PCDHGA6: variants seen among roughly 807,000 people sequenced by gnomAD.
PCDHGA6 encodes the protein protocadherin gamma subfamily A, 6, also known as protocadherin gamma-A6.
A neutral mutation model predicts 60.6 loss-of-function variants in PCDHGA6; 41 were observed. That is an observed-to-expected ratio of 0.68 (90% confidence interval 0.53 to 0.88). The LOEUF (loss-of-function observed/expected upper bound fraction) is 0.88. PCDHGA6 is among the 40% of genes least tolerant of loss of function. The probability of loss-of-function intolerance (pLI) is 0.00; values close to 1 mark genes in which losing one functional copy is unlikely to be tolerated. For missense variants in PCDHGA6, 1,312 were observed against 1,203.0 expected (o/e 1.09, Z -1.34); for synonymous variants, 594 against 524.4 (o/e 1.13, Z -1.81).
At chr5:141,415,024 G>T in intron 1 of PCDHGA6, 1 of 1,613,568 alleles carries the variant, frequency 6.2e-7, no homozygotes, top group Non-Finnish European at 8.5e-7. Flanking sequence ...CAAGGCCAGC[G>T]AGCCGGGACT....
rs549266523 is a variant in PCDHGA6 at position 141,408,917 on chromosome 5, C to A, written c.2424+32410C>A. ...TTCTGTCAAGGATACCAATGATAAC[C>A]CCCCGGTTTTCAGCAGAGACGAATA... On this transcript the variant is annotated intron_variant, in intron 1 of 3. Coordinates refer to ENST00000517434, the MANE Select transcript of PCDHGA6 (RefSeq NM_018919.3). 12 of 1,613,366 alleles carry A rather than the reference C, an allele frequency of 7.4e-6. No homozygotes were observed. In the African/African-American group the frequency reaches 1.6e-4, roughly 22 times the overall value.
Position 141,383,223 on chromosome 5 carries a change from C to T in PCDHGA6, c.2424+6716C>T, listed in dbSNP as rs76873890. The T allele has an allele frequency of 1.7e-3, 2,674 of 1,613,922 alleles. 41 individuals are homozygous for T. In the African/African-American group the frequency reaches 0.031, roughly 19 times the overall value. Reference sequence around the variant, plus strand: ...CGCGGTGTCTGGTAAACTTTAACATCCTGATGGAAGATAAAATGAATCTTT... The same window carrying T: ...CGCGGTGTCTGGTAAACTTTAACATTCTGATGGAAGATAAAATGAATCTTT... On this transcript the variant is annotated intron_variant, in intron 1 of 3. Transcript: ENST00000517434.
In PCDHGA6 at chr5:141,481,399, T is replaced by G. The variant is rs35677249; in HGVS notation, c.2425-13408T>G. 1.9e-3 allele frequency among the ~76,000 whole-genome samples: 284 copies of G among 152,356 alleles called. 1 individual carries two copies. Among genetic ancestry groups the G allele is most frequent in the Middle Eastern group, 0.01 (3 of 294 alleles). ...TTCTTTTTGGAGGGATGTGACAAAA[T>G]TCTTGTATAATTAGATTGTGATGAT... is the stretch of plus-strand genomic sequence containing the variant. On this transcript the variant is annotated intron_variant, in intron 1 of 3. Transcript: ENST00000517434.
chr5:141,511,412 C>A lies in PCDHGA6; in HGVS notation c.*239C>A. 1.1e-6 allele frequency: 1 copy of A among 892,000 alleles called. No homozygotes were observed. Among genetic ancestry groups the A allele is most frequent in the Non-Finnish European group, 1.6e-6 (1 of 609,476 alleles). The allele number at this position is 892,000 out of a possible 1,614,324, so 55.3% of individuals were successfully genotyped here. On this transcript the variant is annotated 3_prime_UTR_variant, in exon 4 of 4. Coordinates refer to ENST00000517434, the MANE Select transcript of PCDHGA6 (RefSeq NM_018919.3). ...AACCCCCATCCAATCAACTGCTGTA[C>A]CCATGGGGGTAGTGGGGTTACTGTA...
In PCDHGA6 at chr5:141,432,358, G is replaced by A. The variant is rs750696244; in HGVS notation, c.2424+55851G>A. ...TCCGAGACTTGCAAGTGAAAGTGAT[G>A]GCGCGGGACAACGGGCACCCGCCCC... On this transcript the variant is annotated intron_variant, in intron 1 of 3. Transcript: ENST00000517434. This position sits in a 1 kb window ranked among gnomAD's most constrained non-coding sequence, Gnocchi z 6.0. The A allele has an allele frequency of 6.2e-7, 1 of 1,614,122 alleles. No homozygotes were observed. The highest frequency in any genetic ancestry group is 8.5e-7 in the Non-Finnish European group (1 of 1,180,060).
In PCDHGA6 at chr5:141,500,954, C is replaced by T. The variant is rs536993707; in HGVS notation, c.2484-4439C>T. On this transcript the variant is annotated intron_variant, in intron 2 of 3. Coordinates refer to ENST00000517434, the MANE Select transcript of PCDHGA6 (RefSeq NM_018919.3). Reference sequence around the variant, plus strand: ...CGCCATCTCGGCTCACTGCAAGCTCCACCTCCTGGGTTCAAGCAATTCTCC... The same window carrying T: ...CGCCATCTCGGCTCACTGCAAGCTCTACCTCCTGGGTTCAAGCAATTCTCC... Among the ~76,000 whole-genome samples the T allele has an allele frequency of 2.4e-3, 358 of 152,060 alleles. 1 individual carries two copies. The highest frequency in any genetic ancestry group is 4.1e-3 in the Admixed American group (63 of 15,282).
intron 1 of PCDHGA6, chr5:141,407,888 C>T (rs769893466): frequency 2.6e-6 from 1 of 388,626 alleles, no homozygotes; most frequent in Non-Finnish European, 4.6e-6. Flanking sequence ...TTTCGGAGAC[C>T]GAATTCAAAA....
intron 1 of PCDHGA6, chr5:141,428,189 CTCTCTGCGCCGCTACGCTTCACCTAG>C: frequency 7.0e-7 from 1 of 1,429,262 alleles, no homozygotes; most frequent in Non-Finnish European, 9.7e-7. Flanking sequence ...ACAGCCGCCG[CTCTCTGCGCCGCTACGCTTCACCTAG>C]TCTTCGCAGA....
Position 141,478,316 on chromosome 5 carries a change from C to T in PCDHGA6, c.2425-16491C>T, listed in dbSNP as rs776948755. ...CCTATACCGAGCCCCGGTGAGCTCA[C>T]TGTACCGAACACCAGGGCCCTCCTT... On this transcript the variant is annotated intron_variant, in intron 1 of 3. Coordinates refer to ENST00000517434, the MANE Select transcript of PCDHGA6 (RefSeq NM_018919.3). 120 of 1,613,924 alleles carry T rather than the reference C, an allele frequency of 7.4e-5. 2 individuals carry two copies. In the South Asian group the frequency reaches 1.3e-3, roughly 18 times the overall value.
rs1163047741 is a variant in PCDHGA6, at chr5:141,374,379, G to A, written c.296G>A (p.Ser99Asn). 1 of 1,614,042 alleles carries A rather than the reference G, an allele frequency of 6.2e-7. No homozygotes were observed. The highest frequency in any genetic ancestry group is 8.5e-7 in the Non-Finnish European group (1 of 1,179,910). ...GACCGCGAGGAGCTCTGTGCTCAGA[G>A]CCCGCGGTGTCTGGTGAGTTTTAAC... is the stretch of plus-strand genomic sequence containing the variant. ...RIDREELCAQ[S>N]PRCLVSFNIL... is the part of the protein sequence containing the mutation. Residue 99 changes from serine to asparagine, a missense_variant, in exon 1 of 4, where the codon AGC (serine) becomes AAC (asparagine). Coordinates refer to ENST00000517434, the MANE Select transcript of PCDHGA6 (RefSeq NM_018919.3).
At chr5:141,410,516 C>T in intron 1 of PCDHGA6, 2 of 1,613,910 alleles carry the variant, frequency 1.2e-6, no homozygotes, top group Middle Eastern at 1.6e-4. Context: ...ATGCAGTGTG[C>T]CCCTACATTC....
chr5:141,441,764 C>A, intron 1 of PCDHGA6: 1 of 384,482 alleles, frequency 2.6e-6, no homozygotes, highest in South Asian at 2.1e-5. Flanking sequence ...TGAGCCTGCG[C>A]GTGTTGGTGG....
rs1460703461 is a variant in PCDHGA6 at position 141,490,596 on chromosome 5, C to G, written c.2425-4211C>G. 2.5e-6 allele frequency: 4 copies of G among 1,614,052 alleles called. No homozygotes were observed. The African/African-American group carries it at 4.0e-5, about 16-fold the overall frequency. On this transcript the variant is annotated intron_variant, in intron 1 of 3. Transcript: ENST00000517434. The surrounding 1 kb of genome is among the most constrained non-coding windows in gnomAD (Gnocchi z 5.4). Reference sequence around the variant, plus strand: ...TTTCAGATGTCAATGACAATGCACCCCGCTTCAACCAGCAGCTTTACACTG... The same window carrying G: ...TTTCAGATGTCAATGACAATGCACCGCGCTTCAACCAGCAGCTTTACACTG...
Position 141,375,706 on chromosome 5 carries a change from T to C in PCDHGA6, c.1623T>C (p.Pro541=). The change falls in exon 1 of 4, where the codon CCT becomes CCC. Residue 541 remains proline (P), a synonymous_variant. Transcript: ENST00000517434. ...WVTASDSGDP[P]LSSNVSLSLF... Reference sequence around the variant, plus strand: ...CAGCCAGCGACAGCGGGGACCCGCCTCTTAGCAGCAACGTGTCACTGAGCC... The same window carrying C: ...CAGCCAGCGACAGCGGGGACCCGCCCCTTAGCAGCAACGTGTCACTGAGCC... 6.2e-7 allele frequency: 1 copy of C among 1,614,232 alleles called. No individual in the cohort carries two copies. The highest frequency in any genetic ancestry group is 8.5e-7 in the Non-Finnish European group (1 of 1,180,036).
rs753473913 is a variant in PCDHGA6 at position 141,503,323 on chromosome 5, G to A, written c.2484-2070G>A. On this transcript the variant is annotated intron_variant, in intron 2 of 3. Transcript: ENST00000517434. The stretch of plus-strand genomic sequence containing the variant: ...CTCAAGAAAGAATTGTTGGAGGGGC[G>A]CGGTGGCTCACGCCTGTAATTCCAG... Among the ~76,000 whole-genome samples the A allele has an allele frequency of 2.0e-5, 3 of 152,214 alleles. No individual in the cohort carries two copies. In the Middle Eastern group the frequency reaches 0.01, roughly 518 times the overall value.
chr5:141,413,567 A>G (rs950241336), intron 1 of PCDHGA6: 2 of 1,613,936 alleles, frequency 1.2e-6, no homozygotes, highest in Admixed American at 1.7e-5. Context: ...ACTGATATCA[A>G]TGACAATGCT....
intron 3 of PCDHGA6, among the ~76,000 whole-genome samples, chr5:141,506,349 T>A (rs894933059): frequency 8.0e-5 from 12 of 150,304 alleles, no homozygotes; most frequent in Admixed American, 2.7e-4. Context: ...CTTGGGAGGC[T>A]GAGGCAGGAG....
chr5:141,463,500 G>A (rs866521006), intron 1 of PCDHGA6, among the ~76,000 whole-genome samples: 30 of 139,838 alleles, frequency 2.1e-4, no homozygotes, highest in African/African-American at 7.0e-4. Context: ...CCAGGCTGGA[G>A]TGACGTGGCG....
At position 141,418,204 on chromosome 5, in the gene PCDHGA6, T is replaced by G. The variant is rs1456912993; in HGVS notation, c.2424+41697T>G. ...AAGCTGTGGTGGAAAATCCTTTAAATATTTTTCATGTCATTGTGGTGATTG... is the reference window on the plus strand; with the variant it reads ...AAGCTGTGGTGGAAAATCCTTTAAAGATTTTTCATGTCATTGTGGTGATTG... On this transcript the variant is annotated intron_variant, in intron 1 of 3. Transcript: ENST00000517434. The G allele has an allele frequency of 2.5e-6, 4 of 1,614,054 alleles. No homozygotes were observed. The East Asian group carries it at 8.9e-5, about 36-fold the overall frequency.
Sources: gnomAD v4.1 joint callset for allele counts (sites outside exome capture counted in the v4.1 genomes callset) on GRCh38, gnomAD v4.1.1 for gene constraint, Gnocchi (gnomAD v3.1) non-coding constraint, MANE v1.5 for transcripts, NCBI Gene and HGNC (gene_info 2026-07-23, HGNC 2026-07-21) for gene names.